KANK1: variants seen among roughly 807,000 people sequenced by gnomAD.
KANK1 encodes KN motif and ankyrin repeat domain-containing protein 1.
A neutral mutation model predicts 106.2 loss-of-function variants in KANK1; 109 were observed. The ratio of observed to expected loss-of-function variants is 1.03; its 90% CI spans 0.88 to 1.20. The LOEUF is 1.20. Ranked by LOEUF, KANK1 falls within the 50% of genes most tolerant of loss-of-function variation. The pLI is 0.00. For missense variants in KANK1, 2,399 were observed against 1,710.7 expected, an observed-to-expected ratio of 1.40 and a Z score of -7.10; for synonymous variants, 873 against 652.2, an observed-to-expected ratio of 1.34 and a Z score of -5.16.
intron 3 of KANK1, among the ~76,000 whole-genome samples, chr9:715,906 A>G (rs1007884087): frequency 1.3e-5 from 2 of 152,234 alleles, no homozygotes; most frequent in African/African-American, 4.8e-5. Context: ...AGTAAAGTGG[A>G]GATGCTCAAC....
chr9:655,302 C>G (rs1841889096), intron 1 of KANK1, among the ~76,000 whole-genome samples: 1 of 150,208 alleles, frequency 6.7e-6, no homozygotes, highest in South Asian at 2.1e-4. Flanking sequence ...ACCCGGGAGG[C>G]AGAGGTTGCG....
At chr9:472,660 A>G (rs1281020912) in intron 2 of KANK1, among the ~76,000 whole-genome samples, 1 of 152,214 alleles carries the variant, frequency 6.6e-6, no homozygotes, top group East Asian at 1.9e-4. Context: ...GAGCTAGTAT[A>G]GAAAGAGATC....
intron 1 of KANK1, among the ~76,000 whole-genome samples, chr9:534,863 A>G (rs1301515362): frequency 6.6e-6 from 1 of 152,224 alleles, no homozygotes; most frequent in Non-Finnish European, 1.5e-5. Flanking sequence ...AATTTTGCCC[A>G]TGTGGGAACA....
chr9:598,634 T>C lies in KANK1; in HGVS notation c.-83-78256T>C, dbSNP rs1373498097. Among the ~76,000 whole-genome samples, 243 of 112,398 alleles carry C rather than the reference T, an allele frequency of 2.2e-3. 3 individuals carry two copies. Among genetic ancestry groups the C allele is most frequent in the African/African-American group, 9.0e-3 (227 of 25,254 alleles). 73.7% of individuals were successfully genotyped at this position (112,398 alleles called of 152,430 possible). A position where few individuals can be genotyped will look rare whatever the true frequency, so the allele number is the denominator to read the frequency against. On this transcript the variant is annotated intron_variant, in intron 1 of 11. Coordinates refer to ENST00000382297, the MANE Select transcript of KANK1 (RefSeq NM_015158.5). ...TTGTTGGTTTTCTTTTTTTTTTTTTTTTTTTTTTTTTTTTTTGAGACAGTC... is the reference window on the plus strand; with the variant it reads ...TTGTTGGTTTTCTTTTTTTTTTTTTCTTTTTTTTTTTTTTTTGAGACAGTC...
chr9:571,293 G>T (rs1354902049), intron 1 of KANK1, among the ~76,000 whole-genome samples: 2 of 151,058 alleles, frequency 1.3e-5, no homozygotes, highest in Non-Finnish European at 2.9e-5. Flanking sequence ...GCCTTTGCCA[G>T]AGAGATTGTT....
chr9:672,136 A>C (rs1045873930), intron 1 of KANK1, among the ~76,000 whole-genome samples: 5 of 152,148 alleles, frequency 3.3e-5, no homozygotes, highest in Non-Finnish European at 5.9e-5. Flanking sequence ...TCACATAATC[A>C]CAAGAGCCCT....
At chr9:605,156 C>G (rs763533041) in intron 1 of KANK1, among the ~76,000 whole-genome samples, 2 of 151,380 alleles carry the variant, frequency 1.3e-5, no homozygotes, top group Non-Finnish European at 2.9e-5. Flanking sequence ...GAAAAATTAG[C>G]TGGGTGTGGT....
rs761900372 is a variant in KANK1, at chr9:730,142, G to A, written c.2790G>A (p.Gly930=). 11 of 1,614,038 alleles carry A rather than the reference G, an allele frequency of 6.8e-6. No individual in the cohort carries two copies. Among genetic ancestry groups the A allele is most frequent in the East Asian group, 2.2e-5 (1 of 44,896 alleles). ...SQTSQPEQEV[G]TSEGKPISSL... ...CATCCCAGCCTGAGCAAGAAGTGGG[G>A]ACCTCAGAAGGAAAGCCAATCAGCA... The change falls in exon 4 of 12, where the codon GGG becomes GGA. Residue 930 remains glycine, a synonymous_variant. Coordinates refer to ENST00000382297, the MANE Select transcript of KANK1 (RefSeq NM_015158.5).
At chr9:504,298 C>G (rs12344733), upstream of KANK1, among the ~76,000 whole-genome samples, 32,519 of 150,932 alleles carry the variant, frequency 0.22, 7,282 homozygotes, top group African/African-American at 0.57. Flanking sequence ...GAGCGAACCG[C>G]GGTGGAGGAA....
chr9:696,515 C>G (rs1424546755), intron 2 of KANK1, among the ~76,000 whole-genome samples: 2 of 152,106 alleles, frequency 1.3e-5, no homozygotes, highest in East Asian at 3.9e-4. Flanking sequence ...GACAATGCAG[C>G]TGATTTTGAC....
At chr9:744,319 A>G (rs1443054770) in intron 10 of KANK1, among the ~76,000 whole-genome samples, 172 bp from the exon 11 acceptor site, 2 of 152,200 alleles carry the variant, frequency 1.3e-5, no homozygotes, top group African/African-American at 4.8e-5. Context: ...TCATCTTCAC[A>G]TCCTCAGGCC....
chr9:614,748 G>T (rs192841705), intron 1 of KANK1, among the ~76,000 whole-genome samples: 114 of 152,212 alleles, frequency 7.5e-4, no homozygotes, highest in African/African-American at 2.6e-3. Flanking sequence ...TTTGGTGTAG[G>T]TTGTGGGCCT....
chr9:597,630 T>G (rs1826546333), intron 1 of KANK1, among the ~76,000 whole-genome samples: 2 of 151,582 alleles, frequency 1.3e-5, no homozygotes, highest in Non-Finnish European at 2.9e-5. Flanking sequence ...TTGCACATAG[T>G]TTTTCTCATT....
chr9:473,470 G>C (rs7876017), intron 3 of KANK1, among the ~76,000 whole-genome samples: 12,677 of 152,220 alleles, frequency 0.083, 1,813 homozygotes, highest in African/African-American at 0.29. Flanking sequence ...GGGACATCAT[G>C]ACATCACAGC....
At chr9:580,955 G>C (rs555891044) in intron 1 of KANK1, among the ~76,000 whole-genome samples, 29 of 152,318 alleles carry the variant, frequency 1.9e-4, no homozygotes, top group African/African-American at 6.3e-4. Context: ...TTGGAGCGCA[G>C]CGCTGGCAGG....
intron 3 of KANK1, among the ~76,000 whole-genome samples, chr9:491,930 C>T (rs1014526148): frequency 9.2e-5 from 14 of 152,212 alleles, no homozygotes; most frequent in African/African-American, 2.4e-4. Context: ...CCAAGTAAGA[C>T]GTGAGTTACT....
At chr9:609,981 C>T (rs1292852819) in intron 1 of KANK1, among the ~76,000 whole-genome samples, 1 of 152,076 alleles carries the variant, frequency 6.6e-6, no homozygotes, top group Non-Finnish European at 1.5e-5. Flanking sequence ...CTTGAGGTGT[C>T]AGGACTTTCC....
intron 3 of KANK1, among the ~76,000 whole-genome samples, chr9:494,618 T>C (rs544090216): frequency 1.3e-3 from 198 of 152,294 alleles, no homozygotes; most frequent in African/African-American, 4.6e-3. Flanking sequence ...AGCTGCCATG[T>C]CATGGGCAGC....
intron 2 of KANK1, chr9:693,549 G>A: frequency 9.1e-6 from 9 of 985,420 alleles, no homozygotes; most frequent in Non-Finnish European, 1.1e-5. Context: ...CTTGCTAGCA[G>A]TTTTGTTTGT....
Sources: gnomAD v4.1 joint callset for allele counts (sites outside exome capture counted in the v4.1 genomes callset) on GRCh38, gnomAD v4.1.1 for gene constraint, MANE v1.5 for transcripts, NCBI Gene and HGNC (gene_info 2026-07-23, HGNC 2026-07-21) for gene names.